The following ITGA3 variants were observed in gnomAD, a reference collection of about 807,000 sequenced individuals.
The protein encoded by ITGA3 is integrin alpha-3.
In ITGA3, 70 loss-of-function variants were observed where a neutral mutation model predicts 131.1. The ratio of observed to expected loss-of-function variants is 0.53; its 90% CI spans 0.44 to 0.65. The LOEUF (loss-of-function observed/expected upper bound fraction) is 0.65, where lower values mean the gene tolerates loss of function less well. ITGA3 is among the 30% of genes least tolerant of loss of function. The pLI is 0.00. For synonymous variants in ITGA3, 537 were observed against 571.6 expected (o/e 0.94, Z 0.86); for missense variants, 1,098 against 1,388.6 (o/e 0.79, Z 3.33).
At chr17:50,058,279 A>G (rs1446639051) in intron 1 of ITGA3, among the ~76,000 whole-genome samples, 3 of 152,230 alleles carry the variant, frequency 2.0e-5, no homozygotes, top group African/African-American at 7.2e-5. Context: ...TAGAGGGAGA[A>G]GAGGCTTGGA....
In ITGA3 at chr17:50,056,575, G is replaced by A. The variant is rs775195327; in HGVS notation, c.136G>A (p.Gly46Arg). The A allele has an allele frequency of 4.4e-6, 7 of 1,585,896 alleles. No individual in the cohort carries two copies. The South Asian group carries it at 4.6e-5, about 10-fold the overall frequency. ...DTRFLVVKEA[G>R]NPGSLFGYSV... ...CCGATTCCTGGTAGTGAAGGAGGCC[G>A]GGAACCCGGGCAGCCTCTTCGGCTA... The change falls in exon 1 of 26, where the codon GGG becomes AGG. Residue 46 changes from glycine to arginine, a missense_variant. Physicochemically the swap from Gly to Arg is moderately radical, Grantham distance 125 (BLOSUM62 -2). This residue lies in a region of ITGA3 where 356 missense variants were observed against 529.2 expected (regional missense o/e 0.67). Coordinates refer to ENST00000320031, the MANE Select transcript of ITGA3 (RefSeq NM_002204.4). The surrounding 1 kb of genome is among the most constrained non-coding windows in gnomAD (Gnocchi z 5.6).
rs1441627504 is a variant in ITGA3 at position 50,056,678 on chromosome 17, G to C, written c.206+33G>C. On this transcript the variant is annotated intron_variant, in intron 1 of 25. Coordinates refer to ENST00000320031, the MANE Select transcript of ITGA3 (RefSeq NM_002204.4). This position sits in a 1 kb window ranked among gnomAD's most constrained non-coding sequence, Gnocchi z 5.6. ...AAGCTGGAGGGTGTGGGGTGGGAGC[G>C]AGAGAGTGTGCGAGCGCGGGATGCG... The C allele has an allele frequency of 6.4e-7, 1 of 1,570,448 alleles. No individual in the cohort carries two copies. The highest frequency in any genetic ancestry group is 2.4e-5 in the East Asian group (1 of 42,244).
rs61103198 is a variant in ITGA3 at position 50,084,230 on chromosome 17, C to CAAAAAA, written c.2919+2843_2919+2848dup. Reference sequence around the variant, plus strand: ...TGGACGACAGAGTGAGACTCTGTCTCAAAAAAAAAAAAAAAAAAAAAAAAA... The same window carrying CAAAAAA: ...TGGACGACAGAGTGAGACTCTGTCTCAAAAAAAAAAAAAAAAAAAAAAAAAAAAAAA... On this transcript the variant is annotated intron_variant, in intron 23 of 25. Transcript: ENST00000320031. Among the ~76,000 whole-genome samples the CAAAAAA allele has an allele frequency of 1.0e-3, 27 of 26,988 alleles. 2 individuals are homozygous for CAAAAAA. Among genetic ancestry groups the CAAAAAA allele is most frequent in the East Asian group, 2.7e-3 (3 of 1,120 alleles). 17.7% of individuals were successfully genotyped at this position (26,988 alleles called of 152,430 possible).
At chr17:50,075,368 C>T (rs924886229) in intron 10 of ITGA3, 91 bp from the exon 11 acceptor site, 15 of 1,346,620 alleles carry the variant, frequency 1.1e-5, no homozygotes, top group African/African-American at 1.0e-4. Context: ...AGAAGGGCCT[C>T]GGTTTCCTTT....
At chr17:50,061,425 C>T (rs1275982462) in intron 1 of ITGA3, among the ~76,000 whole-genome samples, 1 of 152,064 alleles carries the variant, frequency 6.6e-6, no homozygotes, top group Non-Finnish European at 1.5e-5. Context: ...CAGCTGCCTC[C>T]TGTATGACAA....
chr17:50,076,462 A>G lies in ITGA3; in HGVS notation c.1811A>G (p.Glu604Gly). The change falls in exon 13 of 26, where the codon GAG becomes GGG. Residue 604 changes from glutamate to glycine, a missense_variant. Glu to Gly is a moderately conservative substitution (Grantham distance 98). This residue lies in a region of ITGA3 where 699 missense variants were observed against 829.2 expected (regional missense o/e 0.84). Coordinates refer to ENST00000320031, the MANE Select transcript of ITGA3 (RefSeq NM_002204.4). ...YPILNQAQAL[E>G]NHTEVQFQKE... ...ATCCTCAACCAGGCACAGGCTCTGG[A>G]GAACCACACTGAGGTGAGTGGGGCT... 3 of 1,609,396 alleles carry G rather than the reference A, an allele frequency of 1.9e-6. No homozygotes were observed. The highest frequency in any genetic ancestry group is 2.5e-6 in the Non-Finnish European group (3 of 1,179,952).
chr17:50,088,095 A>G, intron 24 of ITGA3, 130 bp from the exon 25 acceptor site: 2 of 1,325,202 alleles, frequency 1.5e-6, no homozygotes, highest in Admixed American at 5.4e-5. Flanking sequence ...GCTTCTGACC[A>G]CACCACCAAG....
At chr17:50,063,432 C>T (rs16948627) in intron 1 of ITGA3, 2 of 152,408 alleles carry the variant, frequency 1.3e-5, no homozygotes, top group East Asian at 1.9e-4. Context: ...GGAGGAAAAA[C>T]CCAGCGTTCT....
intron 23 of ITGA3, chr17:50,086,404 C>T (rs887387989): frequency 1.3e-5 from 2 of 150,536 alleles, no homozygotes; most frequent in African/African-American, 4.9e-5. Flanking sequence ...TCAGAACAAA[C>T]ACGGCTGGGC....
At chr17:50,082,680 A>C (rs1909236984) in intron 23 of ITGA3, among the ~76,000 whole-genome samples, 1 of 152,194 alleles carries the variant, frequency 6.6e-6, no homozygotes, top group Non-Finnish European at 1.5e-5. Flanking sequence ...CAAAATACCC[A>C]AACCCCCTAG....
chr17:50,071,125 A>G (rs1322819564), intron 5 of ITGA3, among the ~76,000 whole-genome samples, 186 bp from the exon 6 acceptor site: 1 of 152,248 alleles, frequency 6.6e-6, no homozygotes, highest in Non-Finnish European at 1.5e-5. Flanking sequence ...GGATGCTCAC[A>G]GTCCAGTGTC....
rs1033243260 is a variant in ITGA3, at chr17:50,056,407, G to A, written c.-33G>A. On this transcript the variant is annotated 5_prime_UTR_variant, in exon 1 of 26. Transcript: ENST00000320031. The surrounding 1 kb of genome is among the most constrained non-coding windows in gnomAD (Gnocchi z 5.6). The stretch of plus-strand genomic sequence containing the variant: ...CACGCCCAGCTCCGCGCCCTCACGC[G>A]CTCTCGCCGGGACCCCGCTTCCGCT... 22 of 1,420,890 alleles carry A rather than the reference G, an allele frequency of 1.5e-5. No individual in the cohort carries two copies. The highest frequency in any genetic ancestry group is 1.2e-4 in the African/African-American group (8 of 66,044). 88.0% of individuals were successfully genotyped at this position (1,420,890 alleles called of 1,614,324 possible).
chr17:50,084,079 C>T (rs1909289465), intron 23 of ITGA3, among the ~76,000 whole-genome samples: 1 of 151,374 alleles, frequency 6.6e-6, no homozygotes, highest in African/African-American at 2.4e-5. Context: ...ATTAAAAATA[C>T]AAAAATTAAC....
chr17:50,074,313 C>T (rs2144288694), intron 9 of ITGA3, 33 bp downstream of exon 9: 1 of 1,610,938 alleles, frequency 6.2e-7, no homozygotes. Flanking sequence ...AAGGGTCTTT[C>T]TCTTCTTCAT....
intron 23 of ITGA3, 136 bp from the exon 24 acceptor site, chr17:50,087,607 AG>A: frequency 1.1e-6 from 1 of 938,522 alleles, no homozygotes; most frequent in South Asian, 1.7e-5. Context: ...GGGCAGGCAC[AG>A]GCTTTTTCCA....
chr17:50,073,866 C>T (rs761751659), intron 7 of ITGA3, 50 bp from the exon 8 acceptor site: 14 of 1,357,392 alleles, frequency 1.0e-5, no homozygotes, highest in Middle Eastern at 1.9e-4. Context: ...GTTAGGGAGA[C>T]GTGGGGCCCA....
At chr17:50,063,964 C>T in intron 1 of ITGA3, 113 bp from the exon 2 acceptor site, 1 of 1,414,088 alleles carries the variant, frequency 7.1e-7, no homozygotes, top group Non-Finnish European at 9.5e-7. Flanking sequence ...AGGGCAGGAG[C>T]TGGGGGTCTC....
chr17:50,081,224 G>A (rs1909171621), intron 22 of ITGA3, 86 bp from the exon 23 acceptor site: 2 of 759,592 alleles, frequency 2.6e-6, no homozygotes, highest in Admixed American at 2.5e-5. Flanking sequence ...TTGGTGGGAG[G>A]GTGATGGGGT....
Position 50,079,111 on chromosome 17 carries a change from G to T in ITGA3, c.2436G>T (p.Gly812=), listed in dbSNP as rs1358669168. 1.9e-6 allele frequency: 3 copies of T among 1,613,728 alleles called. No homozygotes were observed. Among genetic ancestry groups the T allele is most frequent in the Non-Finnish European group, 8.5e-7 (1 of 1,179,974 alleles). The change falls in exon 20 of 26, where the codon GGG becomes GGT. Residue 812 remains glycine (G), a synonymous_variant. Coordinates refer to ENST00000320031, the MANE Select transcript of ITGA3 (RefSeq NM_002204.4). ...TGGGGGAGGGGCTGGTGGGCCTGGG[G>T]ACCCTGGTCCTAGGTCTGGAGTGGC... is the stretch of plus-strand genomic sequence containing the variant. ...GPMGEGLVGL[G]TLVLGLEWPY...
Sources: gnomAD v4.1 joint callset for allele counts (sites outside exome capture counted in the v4.1 genomes callset) on GRCh38, gnomAD v4.1.1 for gene constraint, gnomAD v4.1.1 regional missense constraint, Gnocchi (gnomAD v3.1) non-coding constraint, MANE v1.5 for transcripts, NCBI Gene and HGNC (gene_info 2026-07-23, HGNC 2026-07-21) for gene names.